The following MTMR6 variants were observed in gnomAD, a reference collection of about 807,000 sequenced individuals.
MTMR6 encodes myotubularin related protein 6.
In MTMR6, 47 loss-of-function variants were observed where a neutral mutation model predicts 80.1. That is an observed-to-expected ratio of 0.59 (90% confidence interval 0.46 to 0.75). MTMR6 has a LOEUF of 0.75. MTMR6 is among the 30% of genes least tolerant of loss of function. The probability of loss-of-function intolerance (pLI) is 0.00; values close to 1 mark genes in which losing one functional copy is unlikely to be tolerated. For missense variants in MTMR6, 629 were observed against 730.9 expected, an observed-to-expected ratio of 0.86 and a Z score of 1.61; for synonymous variants, 254 against 253.0, an observed-to-expected ratio of 1.00 and a Z score of -0.04.
At position 25,274,132 on chromosome 13, in the gene MTMR6, C is replaced by G. The variant is rs1282217156; in HGVS notation, c.80G>C (p.Gly27Ala). ...ATGTGTAGCCGTAAGATACAGTGTT[C>G]CTGTTAATGACTTGTTGCTGGTACT... Reference protein sequence around the residue: ...RFSTSNKSLTGTLYLTATHLL... With the variant: ...RFSTSNKSLTATLYLTATHLL... Residue 27 changes from glycine (G) to alanine (A), a missense_variant, in exon 2 of 14, where the codon GGA (glycine) becomes GCA (alanine). Transcript: ENST00000381801. The G allele has an allele frequency of 6.2e-7, 1 of 1,613,086 alleles. No individual in the cohort carries two copies.
chr13:25,252,258 C>T (rs1957106403), intron 11 of MTMR6, among the ~76,000 whole-genome samples: 1 of 152,202 alleles, frequency 6.6e-6, no homozygotes, highest in South Asian at 2.1e-4. Context: ...TCTCAACTCA[C>T]ACAATTTCAA....
chr13:25,261,880 C>A, intron 5 of MTMR6, 78 bp from the exon 6 acceptor site: 4 of 1,361,270 alleles, frequency 2.9e-6, no homozygotes, highest in South Asian at 1.5e-5. Flanking sequence ...GAAAAAAAAG[C>A]CAAAAGTGTT....
At chr13:25,268,082 A>G in intron 2 of MTMR6, 141 bp from the exon 3 acceptor site, 1 of 740,434 alleles carries the variant, frequency 1.4e-6, no homozygotes, top group South Asian at 2.4e-5. Flanking sequence ...TTTTAAAATG[A>G]CTGAATGCCC....
In MTMR6 at chr13:25,253,722, A is replaced by T. The variant is rs767588739; in HGVS notation, c.1346+42T>A. The T allele has an allele frequency of 5.2e-6, 8 of 1,545,230 alleles. No homozygotes were observed. The East Asian group carries it at 1.8e-4, about 35-fold the overall frequency. The stretch of plus-strand genomic sequence containing the variant: ...ACATGATTTTTGTTAGACCTCGGCT[A>T]AGTAGGGGGAAAAGGAGACTCTTTT... On this transcript the variant is annotated intron_variant, in intron 11 of 13. Transcript: ENST00000381801.
At chr13:25,280,189 G>C (rs1957814662) in intron 1 of MTMR6, among the ~76,000 whole-genome samples, 1 of 152,196 alleles carries the variant, frequency 6.6e-6, no homozygotes, top group Admixed American at 6.5e-5. Context: ...GTAGTACAGA[G>C]AAGAAAATGT....
chr13:25,249,312 T>G lies in MTMR6; in HGVS notation c.1786A>C (p.Ser596Arg). The change falls in exon 14 of 14, where the codon AGT becomes CGT. Residue 596 changes from serine (S) to arginine (R), a missense_variant. By Grantham distance (110) the Ser-to-Arg change is moderately radical (BLOSUM62 -1). Coordinates refer to ENST00000381801, the MANE Select transcript of MTMR6 (RefSeq NM_004685.5). ...TTAGAAAACTCTTCTGCATATTCACTATAACGATTATCTGCCGGGCTGCTG... is the reference window on the plus strand; with the variant it reads ...TTAGAAAACTCTTCTGCATATTCACGATAACGATTATCTGCCGGGCTGCTG... Reference protein sequence around the residue: ...EGSSPADNRYSEYAEEFSKSE... With the variant: ...EGSSPADNRYREYAEEFSKSE... 6.2e-7 allele frequency: 1 copy of G among 1,614,092 alleles called. No individual in the cohort carries two copies.
intron 6 of MTMR6, among the ~76,000 whole-genome samples, chr13:25,261,209 T>C (rs1213143665): frequency 2.1e-5 from 3 of 140,112 alleles, no homozygotes; most frequent in African/African-American, 8.0e-5. Context: ...CTCAGGAGGC[T>C]GAAGCAGGAG....
intron 6 of MTMR6, among the ~76,000 whole-genome samples, 184 bp downstream of exon 6, chr13:25,261,484 C>T (rs1044370918): frequency 6.6e-6 from 1 of 151,914 alleles, no homozygotes; most frequent in African/African-American, 2.4e-5. Context: ...ATGAGTTACT[C>T]AGAAATTGGT....
intron 1 of MTMR6, among the ~76,000 whole-genome samples, chr13:25,277,994 T>A (rs1957762300): frequency 6.6e-6 from 1 of 152,222 alleles, no homozygotes; most frequent in African/African-American, 2.4e-5. Context: ...ATTCAAATCC[T>A]AGCTGTTCAT....
chr13:25,284,529 G>A (rs1957918625), intron 1 of MTMR6, among the ~76,000 whole-genome samples: 1 of 152,048 alleles, frequency 6.6e-6, no homozygotes. Context: ...TTCAAATAGA[G>A]CTGACTGAAC....
chr13:25,246,510 T>C lies in MTMR6; in HGVS notation c.*2722A>G, dbSNP rs1956981956. The C allele has an allele frequency of 6.5e-6, 1 of 152,672 alleles. No homozygotes were observed. The highest frequency in any genetic ancestry group is 2.4e-5 in the African/African-American group (1 of 41,468). 9.5% of individuals were successfully genotyped at this position (152,672 alleles called of 1,614,324 possible). ...CTTGACTAATGAAGATCAGCGTCAC[T>C]AATAAAAGTCTGCAACTGTAGTATT... On this transcript the variant is annotated 3_prime_UTR_variant, in exon 14 of 14. Coordinates refer to ENST00000381801, the MANE Select transcript of MTMR6 (RefSeq NM_004685.5).
intron 1 of MTMR6, among the ~76,000 whole-genome samples, chr13:25,283,097 T>A (rs141216135): frequency 1.3e-5 from 2 of 152,152 alleles, no homozygotes; most frequent in East Asian, 3.9e-4. Context: ...GAAAAAAATC[T>A]GACCACCTAA....
intron 1 of MTMR6, among the ~76,000 whole-genome samples, chr13:25,285,464 G>A (rs928909937): frequency 1.5e-5 from 2 of 129,922 alleles, no homozygotes; most frequent in African/African-American, 6.0e-5. Flanking sequence ...CCTCCACTTC[G>A]TGGGCTCAAG....
chr13:25,267,789 C>T lies in MTMR6; in HGVS notation c.294G>A (p.Leu98=). ...CTCTAAGAACAATACCTTGTTTTGACAGTTGTAGCAAAGAGTTGTAAATAT... is the reference window on the plus strand; with the variant it reads ...CTCTAAGAACAATACCTTGTTTTGATAGTTGTAGCAAAGAGTTGTAAATAT... ...CHDIYNSLLQ[L]SKQAKYEDLY... is the part of the protein sequence containing the mutation. Residue 98 remains leucine, a synonymous_variant, in exon 3 of 14, where the codon CTG becomes CTA. Transcript: ENST00000381801. 1 of 1,612,768 alleles carries T rather than the reference C, an allele frequency of 6.2e-7. No homozygotes were observed. Among genetic ancestry groups the T allele is most frequent in the Non-Finnish European group, 8.5e-7 (1 of 1,179,328 alleles).
At position 25,266,153 on chromosome 13, in the gene MTMR6, C is replaced by T; in HGVS notation, c.438G>A (p.Leu146=). 6.2e-7 allele frequency: 1 copy of T among 1,613,896 alleles called. No homozygotes were observed. Among genetic ancestry groups the T allele is most frequent in the Middle Eastern group, 1.6e-4 (1 of 6,062 alleles). ...CCTTGTAGTCCCGGTTGGCATCAGACAACTGCCAGTGTGAGTTTGGCACTC... is the reference window on the plus strand; with the variant it reads ...CCTTGTAGTCCCGGTTGGCATCAGATAACTGCCAGTGTGAGTTTGGCACTC... ...RMGVPNSHWQ[L]SDANRDYKIC... Residue 146 remains leucine (L), a synonymous_variant, in exon 4 of 14, where the codon TTG becomes TTA. Transcript: ENST00000381801.
intron 1 of MTMR6, among the ~76,000 whole-genome samples, chr13:25,278,676 G>A (rs1035851106): frequency 7.1e-5 from 9 of 126,304 alleles, no homozygotes; most frequent in Non-Finnish European, 1.2e-4. Context: ...TTGCATCACT[G>A]CACTCCAGCC....
At position 25,251,084 on chromosome 13, in the gene MTMR6, T is replaced by C. The variant is rs943285846; in HGVS notation, c.1605+565A>G. On this transcript the variant is annotated intron_variant, in intron 13 of 13. Coordinates refer to ENST00000381801, the MANE Select transcript of MTMR6 (RefSeq NM_004685.5). The surrounding 1 kb of genome is among the most constrained non-coding windows in gnomAD (Gnocchi z 4.1). ...CAGGCTGGAGTGCAGAGGCATGATCTTGGCTCACTGCAACCTCCGCCTCCC... is the reference window on the plus strand; with the variant it reads ...CAGGCTGGAGTGCAGAGGCATGATCCTGGCTCACTGCAACCTCCGCCTCCC... Among the ~76,000 whole-genome samples the C allele has an allele frequency of 6.6e-6, 1 of 152,230 alleles. No homozygotes were observed. The highest frequency in any genetic ancestry group is 2.4e-5 in the African/African-American group (1 of 41,456).
intron 7 of MTMR6, 74 bp from the exon 8 acceptor site, chr13:25,257,919 A>C: frequency 9.9e-7 from 1 of 1,005,676 alleles, no homozygotes; most frequent in Non-Finnish European, 1.5e-6. Flanking sequence ...AGATCTCTCT[A>C]GATAAGTGAA....
chr13:25,278,749 G>A (rs546885408), intron 1 of MTMR6, among the ~76,000 whole-genome samples: 51 of 149,054 alleles, frequency 3.4e-4, no homozygotes, highest in African/African-American at 1.2e-3. Context: ...GCTGGGCATC[G>A]TGGTGCACAC....
Sources: gnomAD v4.1 joint callset for allele counts (sites outside exome capture counted in the v4.1 genomes callset) on GRCh38, gnomAD v4.1.1 for gene constraint, Gnocchi (gnomAD v3.1) non-coding constraint, MANE v1.5 for transcripts, NCBI Gene and HGNC (gene_info 2026-07-23, HGNC 2026-07-21) for gene names.